Variants in MTA3 observed in about 807,000 individuals in gnomAD.
MTA3 encodes the protein metastasis-associated protein MTA3.
A neutral mutation model predicts 83.5 loss-of-function variants in MTA3; 34 were observed. The observed-to-expected ratio is 0.41, with a 90% CI of 0.31 to 0.54. The LOEUF (loss-of-function observed/expected upper bound fraction) is 0.54. MTA3 is among the 20% of genes least tolerant of loss of function. The probability of loss-of-function intolerance (pLI) is 0.33; values close to 1 mark genes in which losing one functional copy is unlikely to be tolerated. For missense variants in MTA3, 761 were observed against 726.4 expected (o/e 1.05, Z -0.55); for synonymous variants, 303 against 252.7 (o/e 1.20, Z -1.89).
At chr2:42,557,572 T>C (rs1271119255) in intron 2 of MTA3, among the ~76,000 whole-genome samples, 11 of 152,198 alleles carry the variant, frequency 7.2e-5, no homozygotes, top group Non-Finnish European at 1.5e-4. Flanking sequence ...ACTAATAATA[T>C]AGTCCTGACC....
chr2:42,549,030 T>C (rs1364466945), intron 2 of MTA3, among the ~76,000 whole-genome samples: 7 of 136,306 alleles, frequency 5.1e-5, no homozygotes, highest in Non-Finnish European at 9.2e-5. Context: ...CAAAATTAGC[T>C]GGGCGTGGTC....
chr2:42,549,287 A>G (rs1343674456), intron 2 of MTA3, among the ~76,000 whole-genome samples: 1 of 111,080 alleles, frequency 9.0e-6, no homozygotes, highest in Non-Finnish European at 1.8e-5. Flanking sequence ...TATGTAATAT[A>G]TAATGTATAT....
At chr2:42,625,570 C>G (rs1338292052) in intron 4 of MTA3, among the ~76,000 whole-genome samples, 1 of 149,940 alleles carries the variant, frequency 6.7e-6, no homozygotes, top group Admixed American at 6.6e-5. Flanking sequence ...CACGGTGAAA[C>G]CCCGTCTCTA....
At chr2:42,660,333 C>T (rs1251086361) in intron 8 of MTA3, among the ~76,000 whole-genome samples, 1 of 152,142 alleles carries the variant, frequency 6.6e-6, no homozygotes, top group Non-Finnish European at 1.5e-5. Context: ...GTGATCCACC[C>T]GCCTCGGCCT....
At chr2:42,633,616 G>A (rs1267091486) in intron 4 of MTA3, among the ~76,000 whole-genome samples, 8 of 151,548 alleles carry the variant, frequency 5.3e-5, no homozygotes, top group Admixed American at 5.3e-4. Flanking sequence ...TCTTGGCTGG[G>A]CGCGGTGGCT....
chr2:42,690,737 C>T (rs1195792258), intron 9 of MTA3, among the ~76,000 whole-genome samples: 2 of 148,374 alleles, frequency 1.3e-5, no homozygotes, highest in Non-Finnish European at 3.0e-5. Context: ...TGCAGTGGCG[C>T]AATCTTGGCT....
At chr2:42,512,774 A>C (rs1186615314) in intron 2 of MTA3, among the ~76,000 whole-genome samples, 1 of 152,222 alleles carries the variant, frequency 6.6e-6, no homozygotes, top group African/African-American at 2.4e-5. Flanking sequence ...CCTCAGTAAC[A>C]ACAGATACTT....
At chr2:42,546,760 A>G (rs1398081335) in intron 2 of MTA3, among the ~76,000 whole-genome samples, 2 of 152,190 alleles carry the variant, frequency 1.3e-5, no homozygotes, top group African/African-American at 4.8e-5. Context: ...TGCACCCAGC[A>G]TCCGTGTTCA....
chr2:42,704,308 G>A lies in MTA3; in HGVS notation c.1140G>A (p.Glu380=), dbSNP rs769391381. Residue 380 remains glutamate, a synonymous_variant, in exon 12 of 17, where the codon GAG becomes GAA. Coordinates refer to ENST00000405094, the MANE Select transcript of MTA3 (RefSeq NM_001330442.2). ...PQNPLLGRAC[E]SCYATQSHQW... is the part of the protein sequence containing the mutation. Reference sequence around the variant, plus strand: ...ATCCTCTCTTAGGGAGAGCCTGTGAGAGCTGCTATGGTAAGTTTTCTCTAG... The same window carrying A: ...ATCCTCTCTTAGGGAGAGCCTGTGAAAGCTGCTATGGTAAGTTTTCTCTAG... 5.1e-5 allele frequency: 83 copies of A among 1,613,760 alleles called. No individual in the cohort carries two copies. Among genetic ancestry groups the A allele is most frequent in the Non-Finnish European group, 7.0e-5 (82 of 1,179,814 alleles).
intron 3 of MTA3, among the ~76,000 whole-genome samples, chr2:42,607,539 A>G (rs998425355): frequency 2.0e-5 from 3 of 151,658 alleles, no homozygotes; most frequent in Non-Finnish European, 4.4e-5. Context: ...TAATTTTTGT[A>G]TTTTTTGTAG....
intron 2 of MTA3, among the ~76,000 whole-genome samples, chr2:42,544,775 T>A (rs188097987): frequency 6.6e-6 from 1 of 152,156 alleles, no homozygotes; most frequent in Non-Finnish European, 1.5e-5. Flanking sequence ...ATTCTATCTA[T>A]AGGAAGAATG....
At chr2:42,518,046 TGTG>T (rs1675236142) in intron 2 of MTA3, among the ~76,000 whole-genome samples, 1 of 150,070 alleles carries the variant, frequency 6.7e-6, no homozygotes, top group African/African-American at 2.5e-5. Flanking sequence ...ATTAGCAAGA[TGTG>T]GTGGCAGGCA....
chr2:42,655,913 T>G (rs1157306892), intron 6 of MTA3, among the ~76,000 whole-genome samples: 2 of 152,240 alleles, frequency 1.3e-5, no homozygotes, highest in African/African-American at 4.8e-5. Context: ...TGTTGCATTT[T>G]CATCTTTATG....
chr2:42,519,215 A>C (rs567178354), intron 2 of MTA3, among the ~76,000 whole-genome samples: 1 of 152,166 alleles, frequency 6.6e-6, no homozygotes, highest in South Asian at 2.1e-4. Flanking sequence ...CTCACAACCC[A>C]ATCTGATTAT....
At chr2:42,572,513 T>A (rs1293009132) in intron 2 of MTA3, among the ~76,000 whole-genome samples, 1 of 151,744 alleles carries the variant, frequency 6.6e-6, no homozygotes, top group Non-Finnish European at 1.5e-5. Flanking sequence ...AGGTCAAGGC[T>A]GCCGTGAGCT....
intron 6 of MTA3, among the ~76,000 whole-genome samples, chr2:42,653,912 C>A (rs1158134280): frequency 1.3e-5 from 2 of 152,132 alleles, no homozygotes; most frequent in Non-Finnish European, 2.9e-5. Context: ...TACTATCTAT[C>A]CTTATTTAAA....
intron 6 of MTA3, among the ~76,000 whole-genome samples, chr2:42,649,334 T>C (rs1236576472): frequency 6.6e-6 from 1 of 151,660 alleles, no homozygotes; most frequent in Non-Finnish European, 1.5e-5. Context: ...GAGGCAGAGG[T>C]TGCAGTGAGC....
chr2:42,720,970 A>AGAAAAG (rs1434106508), intron 15 of MTA3, among the ~76,000 whole-genome samples: 25 of 149,934 alleles, frequency 1.7e-4, no homozygotes, highest in African/African-American at 6.2e-4. Context: ...AAAAAAAAAA[A>AGAAAAG]AAAAGAAAAG....
At chr2:42,575,340 C>T (rs1678923863) in intron 2 of MTA3, among the ~76,000 whole-genome samples, 1 of 152,064 alleles carries the variant, frequency 6.6e-6, no homozygotes, top group Non-Finnish European at 1.5e-5. Flanking sequence ...CTGTTTTGTC[C>T]AGTTATGCAT....
Sources: gnomAD v4.1 joint callset for allele counts (sites outside exome capture counted in the v4.1 genomes callset) on GRCh38, gnomAD v4.1.1 for gene constraint, MANE v1.5 for transcripts, NCBI Gene and HGNC (gene_info 2026-07-23, HGNC 2026-07-21) for gene names.